The following CNTN3 variants were observed in gnomAD, a reference collection of about 807,000 sequenced individuals.
CNTN3 encodes the protein contactin-3.
In CNTN3, 60 loss-of-function variants were observed where a neutral mutation model predicts 119.1. The ratio of observed to expected loss-of-function variants is 0.50; its 90% CI spans 0.41 to 0.62. CNTN3 has a LOEUF of 0.62. Among genes scored for constraint, CNTN3 ranks in the 20% least tolerant of loss-of-function variants. The pLI is 0.00. For synonymous variants in CNTN3, 450 were observed against 438.7 expected (o/e 1.03, Z -0.32); for missense variants, 1,101 against 1,242.4 (o/e 0.89, Z 1.71).
At chr3:74,419,302 G>C (rs1701580683) in intron 5 of CNTN3, among the ~76,000 whole-genome samples, 1 of 151,990 alleles carries the variant, frequency 6.6e-6, no homozygotes, top group African/African-American at 2.4e-5. Context: ...AGTCTTCCTA[G>C]AGATGAAAAC....
chr3:74,460,471 T>C (rs1415248903), intron 4 of CNTN3, among the ~76,000 whole-genome samples: 2 of 151,932 alleles, frequency 1.3e-5, no homozygotes, highest in African/African-American at 4.8e-5. Flanking sequence ...TTGTCAGCTT[T>C]ATACAATGTT....
At chr3:74,596,330 A>T (rs1307219600) in intron 1 of CNTN3, among the ~76,000 whole-genome samples, 1 of 152,136 alleles carries the variant, frequency 6.6e-6, no homozygotes, top group Non-Finnish European at 1.5e-5. Context: ...GAACTGGAAA[A>T]AACTACTTTA....
At chr3:74,578,198 C>CAAA (rs1704448591) in intron 1 of CNTN3, among the ~76,000 whole-genome samples, 1 of 151,904 alleles carries the variant, frequency 6.6e-6, no homozygotes, top group Admixed American at 6.6e-5. Flanking sequence ...ACCCCTCAAC[C>CAAA]AGACTCTGGT....
intron 1 of CNTN3, among the ~76,000 whole-genome samples, chr3:74,602,406 A>G (rs1056128053): frequency 1.3e-5 from 2 of 151,454 alleles, no homozygotes; most frequent in Non-Finnish European, 2.9e-5. Context: ...ATTTTAGACT[A>G]TTGAAATTTG....
chr3:74,365,839 C>G, intron 8 of CNTN3, 137 bp from the exon 9 acceptor site: 1 of 980,580 alleles, frequency 1.0e-6, no homozygotes, highest in Non-Finnish European at 1.5e-6. Context: ...AGAACAGAGG[C>G]TAGAATTATA....
At chr3:74,337,143 A>C (rs1444732855) in intron 11 of CNTN3, among the ~76,000 whole-genome samples, 1 of 152,078 alleles carries the variant, frequency 6.6e-6, no homozygotes, top group Non-Finnish European at 1.5e-5. Context: ...CCCCAATAAA[A>C]ACTGTAATTT....
intron 13 of CNTN3, among the ~76,000 whole-genome samples, chr3:74,314,456 G>C (rs1253020461): frequency 6.6e-6 from 1 of 152,150 alleles, no homozygotes. Flanking sequence ...AAAAGGGATA[G>C]CGAAATATAT....
intron 5 of CNTN3, among the ~76,000 whole-genome samples, chr3:74,386,492 T>C (rs1280079676): frequency 2.0e-5 from 3 of 152,120 alleles, no homozygotes; most frequent in Non-Finnish European, 4.4e-5. Context: ...CAGTGAACCA[T>C]AATTGCACCA....
At chr3:74,513,737 G>C (rs982862123) in intron 2 of CNTN3, among the ~76,000 whole-genome samples, 1 of 152,052 alleles carries the variant, frequency 6.6e-6, no homozygotes, top group African/African-American at 2.4e-5. Context: ...CAAAAAGTTT[G>C]TTTTGAACTG....
At position 74,365,680 on chromosome 3, in the gene CNTN3, G is replaced by A. The variant is rs747181636; in HGVS notation, c.969C>T (p.Leu323=). Residue 323 remains leucine, a synonymous_variant, in exon 9 of 23, where the codon CTC becomes CTT. Transcript: ENST00000263665. Reference sequence around the variant, plus strand: ...CCACGGCTATTTCCACATCCTTTATGAGTTGAACCCAATGGGGCTTTGCTT... The same window carrying A: ...CCACGGCTATTTCCACATCCTTTATAAGTTGAACCCAATGGGGCTTTGCTT... ...TYYAKPHWVQ[L]IKDVEIAVED... is the part of the protein sequence containing the mutation. The A allele has an allele frequency of 2.0e-5, 32 of 1,613,012 alleles. No homozygotes were observed. The East Asian group carries it at 7.1e-4, about 36-fold the overall frequency.
At chr3:74,441,419 T>A (rs1409826968) in intron 4 of CNTN3, among the ~76,000 whole-genome samples, 2 of 152,136 alleles carry the variant, frequency 1.3e-5, no homozygotes, top group Non-Finnish European at 2.9e-5. Flanking sequence ...GTTTTCTTTA[T>A]AAGTTTTATC....
intron 5 of CNTN3, among the ~76,000 whole-genome samples, chr3:74,375,503 A>C (rs1382560767): frequency 6.6e-6 from 1 of 152,136 alleles, no homozygotes; most frequent in Non-Finnish European, 1.5e-5. Context: ...GACACGATTA[A>C]GTTAAAGATC....
At chr3:74,453,483 T>G (rs1452987396) in intron 4 of CNTN3, among the ~76,000 whole-genome samples, 1 of 152,214 alleles carries the variant, frequency 6.6e-6, no homozygotes, top group Non-Finnish European at 1.5e-5. Flanking sequence ...GATTCATTCA[T>G]TTTTTGAAGG....
intron 19 of CNTN3, among the ~76,000 whole-genome samples, chr3:74,289,615 C>T (rs929117551): frequency 4.6e-5 from 7 of 152,106 alleles, no homozygotes; most frequent in African/African-American, 1.7e-4. Context: ...AAGTGACAGC[C>T]CTAAGTCTCT....
intron 4 of CNTN3, among the ~76,000 whole-genome samples, chr3:74,440,610 GAA>G (rs1457760096): frequency 6.6e-6 from 1 of 151,982 alleles, no homozygotes; most frequent in Non-Finnish European, 1.5e-5. Context: ...AAAATATTTG[GAA>G]AAAATTTGTC....
At chr3:74,386,979 G>A (rs1235857508) in intron 5 of CNTN3, among the ~76,000 whole-genome samples, 3 of 152,170 alleles carry the variant, frequency 2.0e-5, no homozygotes, top group Non-Finnish European at 4.4e-5. Flanking sequence ...TTCAAGAAGT[G>A]AGAAAATGGT....
intron 13 of CNTN3, among the ~76,000 whole-genome samples, chr3:74,318,335 C>T (rs111999116): frequency 1.4e-4 from 21 of 152,304 alleles, no homozygotes; most frequent in African/African-American, 5.1e-4. Context: ...CTTCTCTCAG[C>T]TCGTCAAAGT....
chr3:74,504,136 G>T (rs1201627354), intron 2 of CNTN3, among the ~76,000 whole-genome samples: 1 of 152,088 alleles, frequency 6.6e-6, no homozygotes, highest in Non-Finnish European at 1.5e-5. Flanking sequence ...GACAATGATG[G>T]TATCTGAAAT....
chr3:74,391,567 T>C (rs1704902988), intron 5 of CNTN3, among the ~76,000 whole-genome samples: 1 of 92,614 alleles, frequency 1.1e-5, no homozygotes, highest in South Asian at 5.1e-4. Flanking sequence ...CTTTTTTTTT[T>C]TTTTTTTTTT....
Sources: allele counts gnomAD v4.1 joint callset (sites outside exome capture counted in the v4.1 genomes callset), GRCh38; gene constraint gnomAD v4.1.1; transcripts MANE v1.5; gene names NCBI Gene and HGNC (gene_info 2026-07-23, HGNC 2026-07-21).